Variants in TXNRD2 observed in about 807,000 individuals in gnomAD.
TXNRD2 encodes the protein thioredoxin reductase 2, mitochondrial.
A neutral mutation model predicts 70.8 loss-of-function variants in TXNRD2; 67 were observed. The observed-to-expected ratio is 0.95, with a 90% CI of 0.78 to 1.16. TXNRD2 has a LOEUF of 1.16. Among genes scored for constraint, TXNRD2 ranks in the 50% most tolerant of loss-of-function variants. The pLI is 0.00. For synonymous variants in TXNRD2, 301 were observed against 295.8 expected (o/e 1.02, Z -0.18); for missense variants, 644 against 719.9 (o/e 0.89, Z 1.21).
In TXNRD2 at chr22:19,915,310, A is replaced by C. The variant is rs114870868; in HGVS notation, c.529-34T>G. ...AAAAAGAGAAAGCCGTGGGTCAGAC[A>C]GGTGCATGGTGATCACCCCACCGGA... On this transcript the variant is annotated intron_variant, in intron 6 of 17. Transcript: ENST00000400521. 1,458 of 1,605,036 alleles carry C rather than the reference A, an allele frequency of 9.1e-4. 14 individuals carry two copies. The African/African-American group carries it at 0.018, about 20-fold the overall frequency.
rs564681671 is a variant in TXNRD2, at chr22:19,918,967, C to T, written c.267G>A (p.Val89=). ...RWGLGGTCVN[V]GCIPKKLMHQ... The stretch of plus-strand genomic sequence containing the variant: ...GCATCAGCTTCTTGGGGATGCAGCC[C>T]ACGTTGACGCAGGTGCCGCCGAGGC... Residue 89 remains valine, a synonymous_variant, in exon 4 of 18, where the codon GTG becomes GTA. Coordinates refer to ENST00000400521, the MANE Select transcript of TXNRD2 (RefSeq NM_006440.5). 2 of 1,612,190 alleles carry T rather than the reference C, an allele frequency of 1.2e-6. No homozygotes were observed. The highest frequency in any genetic ancestry group is 2.2e-5 in the South Asian group (2 of 91,052).
In TXNRD2 at chr22:19,875,737, G is replaced by C. The variant is rs1183485793; in HGVS notation, c.*136C>G. 1 of 152,420 alleles carries C rather than the reference G, an allele frequency of 6.6e-6. No individual in the cohort carries two copies. The highest frequency in any genetic ancestry group is 6.5e-5 in the Admixed American group (1 of 15,282). 9.4% of individuals were successfully genotyped at this position (152,420 alleles called of 1,614,324 possible). On this transcript the variant is annotated 3_prime_UTR_variant, in exon 18 of 18. Transcript: ENST00000400521. ...CACGGGCCACCTGTCCAGCACTTGC[G>C]CTCCACGCTGACCATCTCACAGGCG...
chr22:19,878,480 A>C (rs2145928041), intron 14 of TXNRD2, 43 bp from the exon 15 acceptor site: 4 of 1,574,880 alleles, frequency 2.5e-6, no homozygotes, highest in Non-Finnish European at 3.5e-6. Context: ...TGCGACAAAC[A>C]AACCTCGTGG....
intron 8 of TXNRD2, among the ~76,000 whole-genome samples, chr22:19,905,520 C>T (rs1178804749): frequency 6.6e-6 from 1 of 152,204 alleles, no homozygotes; most frequent in Non-Finnish European, 1.5e-5. Context: ...GGGCCCCCTC[C>T]CCAGGCCCAA....
At chr22:19,918,724 C>G in intron 4 of TXNRD2, 136 bp downstream of exon 4, 1 of 1,068,102 alleles carries the variant, frequency 9.4e-7, no homozygotes, top group East Asian at 2.4e-5. Context: ...AGGCAGACAG[C>G]GCAGAGTCGC....
Position 19,917,109 on chromosome 22 carries a change from T to C in TXNRD2, c.449+1034A>G, listed in dbSNP as rs77064279. Among the ~76,000 whole-genome samples the C allele has an allele frequency of 6.8e-3, 1,039 of 152,344 alleles. 16 individuals carry two copies. Among genetic ancestry groups the C allele is most frequent in the African/African-American group, 0.024 (999 of 41,580 alleles). ...ACGGGACACAGCCGGGCAATGCTCA[T>C]GGCAGCACTTTTCAGAAGAGTGAAA... On this transcript the variant is annotated intron_variant, in intron 5 of 17. Coordinates refer to ENST00000400521, the MANE Select transcript of TXNRD2 (RefSeq NM_006440.5).
chr22:19,919,669 A>G lies in TXNRD2; in HGVS notation c.173-70T>C, dbSNP rs5748471. On this transcript the variant is annotated intron_variant, in intron 2 of 17. Transcript: ENST00000400521. ...CAGGACTCAAGAACAGGCACTCCTC[A>G]GGGCTTGTGAGGTCCAGAAGAGTGT... is the stretch of plus-strand genomic sequence containing the variant. 0.59 allele frequency: 855,852 copies of G among 1,449,978 alleles called. 259,393 individuals carry two copies. Among genetic ancestry groups the G allele is most frequent in the East Asian group, 0.91 (36,281 of 39,848 alleles). The allele number at this position is 1,449,978 out of a possible 1,614,324, so 89.8% of individuals were successfully genotyped here.
Position 19,919,461 on chromosome 22 carries a change from G to A in TXNRD2, c.229+82C>T, listed in dbSNP as rs538352064. ...GACAGCAGGGCTGAAGGACTTTGGT[G>A]TCAGCTGCCCTCTGTACAGGAACTG... On this transcript the variant is annotated intron_variant, in intron 3 of 17. Transcript: ENST00000400521. 129 of 1,316,594 alleles carry A rather than the reference G, an allele frequency of 9.8e-5. 1 individual carries two copies. The highest frequency in any genetic ancestry group is 3.0e-4 in the Admixed American group (15 of 50,586). The allele number at this position is 1,316,594 out of a possible 1,614,324, so 81.6% of individuals were successfully genotyped here.
chr22:19,904,666 C>A (rs969181754), intron 8 of TXNRD2, among the ~76,000 whole-genome samples: 1 of 152,162 alleles, frequency 6.6e-6, no homozygotes, highest in African/African-American at 2.4e-5. Context: ...TAGAGAGGGA[C>A]GAGGGAGGCC....
chr22:19,897,462 C>A (rs985116951), intron 10 of TXNRD2, among the ~76,000 whole-genome samples: 1 of 152,198 alleles, frequency 6.6e-6, no homozygotes, highest in Admixed American at 6.5e-5. Context: ...AAAAGAAAAT[C>A]TCTATTGCTC....
At position 19,918,187 on chromosome 22, in the gene TXNRD2, G is replaced by C. The variant is rs188795918; in HGVS notation, c.405C>G (p.His135Gln). The part of the protein sequence containing the change: ...WRKMAEAVQN[H>Q]VKSLNWGHRV... ...GGTGGCCCCAGTTCAAGGATTTCACGTGATTTTGAACAGCTTCTGCCATCT... is the reference window on the plus strand; with the variant it reads ...GGTGGCCCCAGTTCAAGGATTTCACCTGATTTTGAACAGCTTCTGCCATCT... Residue 135 changes from histidine (H) to glutamine (Q), a missense_variant, in exon 5 of 18, where the codon CAC becomes CAG. By Grantham distance (24) the His-to-Gln change is conservative (BLOSUM62 0). Coordinates refer to ENST00000400521, the MANE Select transcript of TXNRD2 (RefSeq NM_006440.5). 2 of 1,614,190 alleles carry C rather than the reference G, an allele frequency of 1.2e-6. No homozygotes were observed. Among genetic ancestry groups the C allele is most frequent in the Admixed American group, 3.3e-5 (2 of 60,032 alleles).
intron 17 of TXNRD2, 54 bp downstream of exon 17, chr22:19,876,986 C>T: frequency 3.0e-6 from 4 of 1,331,858 alleles, no homozygotes; most frequent in South Asian, 1.6e-5. Context: ...GCCAGGGCTC[C>T]TGCACCCCTG....
chr22:19,932,398 C>T, intron 1 of TXNRD2: 2 of 1,612,708 alleles, frequency 1.2e-6, no homozygotes, highest in Non-Finnish European at 1.7e-6. Context: ...GTGCCACTCT[C>T]AGCCTTTTTA....
intron 2 of TXNRD2, among the ~76,000 whole-genome samples, chr22:19,920,568 G>A (rs757013536): frequency 6.7e-6 from 1 of 149,890 alleles, no homozygotes; most frequent in Non-Finnish European, 1.5e-5. Context: ...GGGCGACAGA[G>A]CAAGACTCTG....
At chr22:19,927,936 G>C (rs1368198534) in intron 2 of TXNRD2, among the ~76,000 whole-genome samples, 1 of 151,942 alleles carries the variant, frequency 6.6e-6, no homozygotes, top group African/African-American at 2.4e-5. Context: ...GAAACACTTA[G>C]GGATGTATCT....
chr22:19,933,357 C>T (rs2146097577), intron 1 of TXNRD2: 3 of 1,013,228 alleles, frequency 3.0e-6, no homozygotes, highest in South Asian at 2.7e-5. Context: ...CCCCGGGGAG[C>T]ATGAACCTGC....
intron 1 of TXNRD2, 83 bp from the exon 2 acceptor site, chr22:19,931,181 C>T (rs1941346314): frequency 7.8e-7 from 1 of 1,280,200 alleles, no homozygotes; most frequent in South Asian, 1.2e-5. Flanking sequence ...ATTGGACACT[C>T]CATTCTGTGA....
At chr22:19,932,379 CTG>C (rs769275814) in intron 1 of TXNRD2, 2 of 1,612,744 alleles carry the variant, frequency 1.2e-6, no homozygotes, top group East Asian at 4.5e-5. Context: ...TGGTGGCTCA[CTG>C]CACATAGTGC....
intron 15 of TXNRD2, 64 bp downstream of exon 15, chr22:19,878,302 C>A: frequency 6.2e-7 from 1 of 1,604,244 alleles, no homozygotes; most frequent in African/African-American, 1.3e-5. Flanking sequence ...CGGGTGTTCA[C>A]CCTGCCAGGC....
Sources: allele counts gnomAD v4.1 joint callset (sites outside exome capture counted in the v4.1 genomes callset), GRCh38; gene constraint gnomAD v4.1.1; transcripts MANE v1.5; gene names NCBI Gene and HGNC (gene_info 2026-07-23, HGNC 2026-07-21).